Variants in TFEC observed in about 807,000 individuals in gnomAD.
TFEC encodes the protein transcription factor EC.
In TFEC, 31 loss-of-function variants were observed where a neutral mutation model predicts 41.6. The observed-to-expected ratio is 0.74, with a 90% CI of 0.56 to 1.01. The LOEUF (loss-of-function observed/expected upper bound fraction) is 1.01. TFEC is among the 50% of genes least tolerant of loss of function. The pLI, the probability that TFEC is intolerant of heterozygous loss-of-function variation, is 0.00. For missense variants in TFEC, 402 were observed against 404.1 expected, an observed-to-expected ratio of 0.99 and a Z score of 0.04; for synonymous variants, 143 against 140.6, an observed-to-expected ratio of 1.02 and a Z score of -0.12.
At chr7:115,997,817 G>A (rs757610439) in intron 1 of TFEC, among the ~76,000 whole-genome samples, 10 of 152,024 alleles carry the variant, frequency 6.6e-5, no homozygotes, top group South Asian at 4.1e-4. Flanking sequence ...GCTGAAGAAC[G>A]CATCAGAGTC....
At chr7:116,129,332 C>CT (rs58145809) in intron 1 of TFEC, among the ~76,000 whole-genome samples, 9 of 148,330 alleles carry the variant, frequency 6.1e-5, no homozygotes, top group African/African-American at 9.9e-5. Context: ...CACCCTTGTC[C>CT]TTTTTTTTTT....
rs573980141 is a variant in TFEC at position 116,057,481 on chromosome 7, G to T, written c.198+53227C>A. ...AAGGTGAAACATAAAAAATCGGAAA[G>T]AATTCATCACCAGCATACCCATACT... is the stretch of plus-strand genomic sequence containing the variant. On this transcript the variant is annotated intron_variant, in intron 3 of 8. Transcript: ENST00000484212. 3.0e-4 allele frequency among the ~76,000 whole-genome samples: 46 copies of T among 151,950 alleles called. No individual in the cohort carries two copies. The South Asian group carries it at 9.5e-3, about 32-fold the overall frequency.
intron 1 of TFEC, among the ~76,000 whole-genome samples, chr7:116,123,703 G>C (rs1042970760): frequency 6.6e-6 from 1 of 151,926 alleles, no homozygotes; most frequent in Non-Finnish European, 1.5e-5. Context: ...CTATTTCTGA[G>C]TACTTTTATC....
chr7:116,110,817 C>T, exon 3 of TFEC: 1 of 1,548,454 alleles, frequency 6.5e-7, no homozygotes, highest in Admixed American at 2.0e-5. Context: ...TCTATGGGCA[C>T]TGATTTCCTG....
chr7:116,061,609 T>A (rs1214161595), intron 3 of TFEC, among the ~76,000 whole-genome samples: 1 of 152,042 alleles, frequency 6.6e-6, no homozygotes, highest in African/African-American at 2.4e-5. Flanking sequence ...AAAGTGAATT[T>A]CAACACACAG....
chr7:116,013,792 G>A (rs1010371317), intron 1 of TFEC, among the ~76,000 whole-genome samples: 2 of 152,068 alleles, frequency 1.3e-5, no homozygotes, highest in African/African-American at 4.8e-5. Context: ...TCACTTTCTG[G>A]TAGAAAAATC....
chr7:116,062,954 A>G (rs1296832592), intron 3 of TFEC, among the ~76,000 whole-genome samples: 1 of 152,204 alleles, frequency 6.6e-6, no homozygotes, highest in African/African-American at 2.4e-5. Context: ...TATTTATTTA[A>G]GAGAAATAGA....
At chr7:115,990,356 G>A (rs557008726) in intron 1 of TFEC, among the ~76,000 whole-genome samples, 1 of 152,146 alleles carries the variant, frequency 6.6e-6, no homozygotes, top group Non-Finnish European at 1.5e-5. Flanking sequence ...CACCAGCAAC[G>A]GAACAAACCT....
chr7:116,078,842 C>T (rs1333523635), intron 3 of TFEC, among the ~76,000 whole-genome samples: 1 of 152,066 alleles, frequency 6.6e-6, no homozygotes, highest in African/African-American at 2.4e-5. Flanking sequence ...AAGTCAATAT[C>T]ACCCTAATAC....
At chr7:116,127,635 A>G (rs1184689551) in intron 1 of TFEC, among the ~76,000 whole-genome samples, 2 of 143,448 alleles carry the variant, frequency 1.4e-5, no homozygotes, top group African/African-American at 2.6e-5. Context: ...CCATCCTCTC[A>G]TTTTGCTATT....
Position 115,940,601 on chromosome 7 carries a change from C to A in TFEC, c.994G>T (p.Glu332Ter), listed in dbSNP as rs1227151376. The change falls in exon 8 of 8, where the codon GAA (glutamate) becomes TAA (stop). Residue 332 changes from glutamate to a stop codon, truncating the protein, a stop_gained. Coordinates refer to ENST00000265440, the MANE Select transcript of TFEC (RefSeq NM_012252.4). LOFTEE classifies it high-confidence loss of function. ...LSATSPAVSK[E>*]SSRRSSFSSD... ...CTAAAGCTACTTCTCCTACTGCTTT[C>A]TTTGGAAACTGCAGGGGAAGTGGCA... The A allele has an allele frequency of 6.2e-7, 1 of 1,613,252 alleles. No homozygotes were observed. The highest frequency in any genetic ancestry group is 8.5e-7 in the Non-Finnish European group (1 of 1,179,602).
At chr7:115,946,686 T>C (rs986121659) in intron 6 of TFEC, among the ~76,000 whole-genome samples, 1 of 150,752 alleles carries the variant, frequency 6.6e-6, no homozygotes, top group African/African-American at 2.4e-5. Flanking sequence ...CTTTTCTTTT[T>C]TCTTTTCTCT....
In TFEC at chr7:116,137,477, A is replaced by G. The variant is rs192244259; in HGVS notation, c.-69+22313T>C. On this transcript the variant is annotated intron_variant, in intron 1 of 8. Coordinates refer to the TFEC transcript ENST00000484212. ...CTTGGATGTGAGTATAGGCCTTGAC[A>G]GTGACTCTCTCGTAAACTTGAGCAG... 1.2e-4 allele frequency among the ~76,000 whole-genome samples: 18 copies of G among 152,270 alleles called. No homozygotes were observed. The East Asian group carries it at 3.5e-3, about 29-fold the overall frequency.
chr7:116,047,394 C>G (rs192511452), intron 3 of TFEC, among the ~76,000 whole-genome samples: 11 of 152,120 alleles, frequency 7.2e-5, no homozygotes, highest in Non-Finnish European at 2.9e-5. Flanking sequence ...CACAGAGACT[C>G]GCTCACTGCT....
At chr7:116,012,838 A>C (rs1795052084) in intron 1 of TFEC, among the ~76,000 whole-genome samples, 1 of 151,654 alleles carries the variant, frequency 6.6e-6, no homozygotes, top group South Asian at 2.1e-4. Flanking sequence ...AAAAAAAAAA[A>C]AAAAAACCCA....
At chr7:116,158,821 TGAA>T (rs1033547871) in intron 1 of TFEC, among the ~76,000 whole-genome samples, 6 of 152,116 alleles carry the variant, frequency 3.9e-5, no homozygotes, top group Non-Finnish European at 5.9e-5. Context: ...ATATGTGAAT[TGAA>T]GAAGACATTT....
At chr7:115,968,262 T>G (rs1792965252) in intron 3 of TFEC, 11 of 1,529,864 alleles carry the variant, frequency 7.2e-6, no homozygotes, top group Non-Finnish European at 9.6e-6. Flanking sequence ...TTCTTTTCCT[T>G]AAACTTGCAA....
intron 1 of TFEC, among the ~76,000 whole-genome samples, chr7:115,989,608 C>T (rs558724645): frequency 4.6e-5 from 7 of 152,304 alleles, no homozygotes; most frequent in African/African-American, 9.6e-5. Flanking sequence ...CCCATGCCCA[C>T]GGAGCCTTGC....
chr7:116,067,626 C>T (rs1232445180), intron 3 of TFEC, among the ~76,000 whole-genome samples: 1 of 151,892 alleles, frequency 6.6e-6, no homozygotes, highest in Non-Finnish European at 1.5e-5. Context: ...TTGTTCCTAC[C>T]TTTTCTGAAT....
Sources: gnomAD v4.1 joint callset for allele counts (sites outside exome capture counted in the v4.1 genomes callset) on GRCh38, gnomAD v4.1.1 for gene constraint, MANE v1.5 for transcripts, NCBI Gene and HGNC (gene_info 2026-07-23, HGNC 2026-07-21) for gene names.